DPP6: variants seen among roughly 807,000 people sequenced by gnomAD.
DPP6 encodes the protein dipeptidyl peptidase like 6.
A neutral mutation model predicts 122.6 loss-of-function variants in DPP6; 69 were observed. The observed-to-expected ratio is 0.56, with a 90% CI of 0.46 to 0.69. The LOEUF is 0.69. DPP6 is among the 30% of genes least tolerant of loss of function. The pLI, the probability that DPP6 is intolerant of heterozygous loss-of-function variation, is 0.00. For synonymous variants in DPP6, 418 were observed against 433.1 expected (o/e 0.97, Z 0.43); for missense variants, 928 against 1,116.9 (o/e 0.83, Z 2.41).
At chr7:154,389,333 G>A (rs376622041) in intron 1 of DPP6, among the ~76,000 whole-genome samples, 2 of 152,078 alleles carry the variant, frequency 1.3e-5, no homozygotes, top group Non-Finnish European at 2.9e-5. Flanking sequence ...AAGATTAATC[G>A]TGCCTTGAAA....
intron 1 of DPP6, among the ~76,000 whole-genome samples, chr7:153,968,285 A>C (rs1795854606): frequency 6.6e-6 from 1 of 151,192 alleles, no homozygotes; most frequent in Admixed American, 6.6e-5. Context: ...TGTGGTTTTG[A>C]TTTGCATTTC....
At chr7:154,808,712 G>A (rs970115944) in intron 16 of DPP6, among the ~76,000 whole-genome samples, 2 of 152,094 alleles carry the variant, frequency 1.3e-5, no homozygotes, top group African/African-American at 4.8e-5. Context: ...GAAATTACAG[G>A]GATTGACGGG....
intron 1 of DPP6, among the ~76,000 whole-genome samples, chr7:154,064,150 G>T (rs1401662870): frequency 6.6e-6 from 1 of 152,108 alleles, no homozygotes; most frequent in African/African-American, 2.4e-5. Flanking sequence ...CATCTACCCT[G>T]TACCCCCATA....
intron 1 of DPP6, among the ~76,000 whole-genome samples, chr7:154,263,662 T>G (rs1253579043): frequency 6.6e-6 from 1 of 151,996 alleles, no homozygotes; most frequent in African/African-American, 2.4e-5. Context: ...TTCCAAACAG[T>G]CCTCTGTTAT....
intron 1 of DPP6, among the ~76,000 whole-genome samples, chr7:154,379,699 T>C (rs571245795): frequency 7.5e-4 from 115 of 152,324 alleles, no homozygotes; most frequent in African/African-American, 2.7e-3. Flanking sequence ...ATTATTGTCA[T>C]AGATTATTGG....
the DPP6 span, among the ~76,000 whole-genome samples, chr7:153,839,244 G>A: frequency 1.3e-5 from 2 of 152,172 alleles, no homozygotes; most frequent in Non-Finnish European, 2.9e-5. Flanking sequence ...TCATTGACTG[G>A]AAAAAACAAA....
intron 1 of DPP6, among the ~76,000 whole-genome samples, chr7:154,433,590 G>C (rs528297218): frequency 3.3e-5 from 5 of 152,146 alleles, no homozygotes; most frequent in African/African-American, 1.2e-4. Context: ...TGCACACCCG[G>C]GGGTTCTAAG....
intron 2 of DPP6, among the ~76,000 whole-genome samples, chr7:154,473,157 G>A (rs1175281700): frequency 6.6e-6 from 1 of 152,154 alleles, no homozygotes; most frequent in Admixed American, 6.5e-5. Flanking sequence ...GAATGTCTCA[G>A]GAAGTTTTAG....
In DPP6 at chr7:154,760,679, G is replaced by T. The variant is rs939232100; in HGVS notation, c.884-8738G>T. ...GAACATCCTTGCCACACTGGGACCT[G>T]TTTGAGCGTGAGGCAGGTGAGCAGA... On this transcript the variant is annotated intron_variant, in intron 8 of 25. Transcript: ENST00000377770. The surrounding 1 kb of genome is among the most constrained non-coding windows in gnomAD (Gnocchi z 4.5). Among the ~76,000 whole-genome samples, 1 of 152,138 alleles carries T rather than the reference G, an allele frequency of 6.6e-6. No homozygotes were observed. The highest frequency in any genetic ancestry group is 1.5e-5 in the Non-Finnish European group (1 of 68,036).
At chr7:153,795,801 T>C in the DPP6 span, among the ~76,000 whole-genome samples, 1 of 150,782 alleles carries the variant, frequency 6.6e-6, no homozygotes, top group South Asian at 2.1e-4. Flanking sequence ...GATTTTATTC[T>C]CATTCCCTTG....
At chr7:154,543,716 A>G (rs904146001) in intron 4 of DPP6, among the ~76,000 whole-genome samples, 4 of 152,168 alleles carry the variant, frequency 2.6e-5, no homozygotes, top group Non-Finnish European at 5.9e-5. Flanking sequence ...AGTTCAGACC[A>G]GGTGCGGTGG....
chr7:154,442,955 C>G (rs1248647375), intron 1 of DPP6, among the ~76,000 whole-genome samples: 1 of 152,130 alleles, frequency 6.6e-6, no homozygotes, highest in Non-Finnish European at 1.5e-5. Context: ...TTAGTGGGAG[C>G]CTTATTTACA....
chr7:154,280,279 A>G (rs1157737089), intron 1 of DPP6, among the ~76,000 whole-genome samples: 2 of 152,194 alleles, frequency 1.3e-5, no homozygotes, highest in East Asian at 1.9e-4. Flanking sequence ...TTTGGGCTTC[A>G]TGAAGATTTG....
intron 1 of DPP6, among the ~76,000 whole-genome samples, chr7:154,101,996 T>C (rs1426677666): frequency 6.6e-5 from 10 of 151,618 alleles, no homozygotes; most frequent in South Asian, 2.1e-4. Context: ...GTCTTACTCA[T>C]TTCTTCCTTC....
intron 19 of DPP6, 30 bp downstream of exon 19, chr7:154,872,723 G>T (rs1454452437): frequency 6.3e-7 from 1 of 1,576,508 alleles, no homozygotes; most frequent in South Asian, 1.2e-5. Context: ...TCTTTCCCTG[G>T]TGCTCGTTCT....
At chr7:154,372,893 C>G (rs1186108389) in intron 1 of DPP6, among the ~76,000 whole-genome samples, 1 of 152,192 alleles carries the variant, frequency 6.6e-6, no homozygotes, top group Non-Finnish European at 1.5e-5. Context: ...TTCCCCACCA[C>G]CCAGGCTGAG....
chr7:154,763,010 T>C (rs1349659038), intron 8 of DPP6, among the ~76,000 whole-genome samples: 1 of 152,260 alleles, frequency 6.6e-6, no homozygotes, highest in Non-Finnish European at 1.5e-5. Context: ...ACATCGTGGC[T>C]GCCTTTGACT....
At chr7:154,188,209 G>A (rs1177179398) in intron 1 of DPP6, among the ~76,000 whole-genome samples, 1 of 152,110 alleles carries the variant, frequency 6.6e-6, no homozygotes, top group Non-Finnish European at 1.5e-5. Flanking sequence ...TGTACTTGGT[G>A]TGGACAAGGC....
At chr7:154,057,734 C>T (rs575811995) in intron 1 of DPP6, 2 of 150,640 alleles carry the variant, frequency 1.3e-5, no homozygotes, top group African/African-American at 5.0e-5. Context: ...AACAGCAAGT[C>T]TTTCATTAGT....
Sources: gnomAD v4.1 joint callset for allele counts (sites outside exome capture counted in the v4.1 genomes callset) on GRCh38, gnomAD v4.1.1 for gene constraint, Gnocchi (gnomAD v3.1) non-coding constraint, MANE v1.5 for transcripts, NCBI Gene and HGNC (gene_info 2026-07-23, HGNC 2026-07-21) for gene names.